GRID2: variants seen among roughly 807,000 people sequenced by gnomAD.
The protein encoded by GRID2 is glutamate receptor ionotropic, delta-2.
GRID2 carries 33 observed loss-of-function variants against 114.8 expected under a neutral mutation model. The observed-to-expected ratio is 0.29, with a 90% CI of 0.22 to 0.38. The LOEUF (loss-of-function observed/expected upper bound fraction) is 0.38, where lower values mean the gene tolerates loss of function less well. Among genes scored for constraint, GRID2 ranks in the 10% least tolerant of loss-of-function variants. GRID2 has a pLI of 1.00. For missense variants in GRID2, 1,184 were observed against 1,257.7 expected, an observed-to-expected ratio of 0.94 and a Z score of 0.89; for synonymous variants, 505 against 449.9, an observed-to-expected ratio of 1.12 and a Z score of -1.55.
intron 8 of GRID2, among the ~76,000 whole-genome samples, chr4:93,284,418 A>G (rs1184836492): frequency 6.6e-6 from 1 of 151,968 alleles, no homozygotes; most frequent in Non-Finnish European, 1.5e-5. Context: ...TAGGCTTAAT[A>G]CCTCGGTGAT....
chr4:92,959,629 G>GATAA (rs1752655077), intron 2 of GRID2, among the ~76,000 whole-genome samples: 1 of 152,004 alleles, frequency 6.6e-6, no homozygotes, highest in Non-Finnish European at 1.5e-5. Context: ...TTATAGACTG[G>GATAA]ATAAATAAAA....
At chr4:92,469,708 A>G (rs1000704668) in intron 1 of GRID2, among the ~76,000 whole-genome samples, 2 of 152,170 alleles carry the variant, frequency 1.3e-5, no homozygotes, top group East Asian at 3.9e-4. Context: ...AAATGAAACA[A>G]ACAAAAAAGC....
intron 14 of GRID2, among the ~76,000 whole-genome samples, chr4:93,677,152 A>C (rs1195714481): frequency 1.3e-5 from 2 of 152,170 alleles, no homozygotes; most frequent in Non-Finnish European, 2.9e-5. Context: ...GGAGGGTCCT[A>C]TGCCCACGGA....
chr4:93,424,570 A>G (rs1166109395), intron 10 of GRID2, among the ~76,000 whole-genome samples: 4 of 151,942 alleles, frequency 2.6e-5, no homozygotes, highest in Non-Finnish European at 5.9e-5. Flanking sequence ...GATTCTTTAT[A>G]TGTAGTATAT....
At chr4:93,574,734 C>A (rs1366800143) in intron 13 of GRID2, among the ~76,000 whole-genome samples, 1 of 152,122 alleles carries the variant, frequency 6.6e-6, no homozygotes, top group Non-Finnish European at 1.5e-5. Context: ...GGGACACAGC[C>A]AAACCATATC....
At chr4:93,057,162 C>G (rs200706960) in intron 2 of GRID2, among the ~76,000 whole-genome samples, 145 of 147,914 alleles carry the variant, frequency 9.8e-4, no homozygotes, top group African/African-American at 3.2e-3. Context: ...GTATGTGTGT[C>G]TGTGTGTGTG....
At chr4:93,511,754 A>G (rs1578159544) in intron 12 of GRID2, among the ~76,000 whole-genome samples, 1 of 150,762 alleles carries the variant, frequency 6.6e-6, no homozygotes, top group South Asian at 2.1e-4. Context: ...TCTCTGGAGT[A>G]CTCTAGATTT....
At chr4:93,261,148 CAT>C (rs900160216) in intron 8 of GRID2, among the ~76,000 whole-genome samples, 6 of 151,494 alleles carry the variant, frequency 4.0e-5, no homozygotes, top group Non-Finnish European at 7.4e-5. Context: ...ACTTTTGACA[CAT>C]GTTAAAAAAA....
intron 2 of GRID2, among the ~76,000 whole-genome samples, chr4:93,054,329 G>T (rs1727016422): frequency 7.5e-6 from 1 of 133,256 alleles, no homozygotes; most frequent in Non-Finnish European, 1.7e-5. Flanking sequence ...AGAACTTTTG[G>T]TAGTATTTTT....
At chr4:92,376,521 T>G (rs1435198911) in intron 1 of GRID2, among the ~76,000 whole-genome samples, 1 of 152,036 alleles carries the variant, frequency 6.6e-6, no homozygotes, top group Non-Finnish European at 1.5e-5. Flanking sequence ...GATCTACCAT[T>G]CTGGGGTCTG....
chr4:93,497,057 T>A (rs918406752), intron 12 of GRID2, among the ~76,000 whole-genome samples: 1 of 151,816 alleles, frequency 6.6e-6, no homozygotes, highest in Non-Finnish European at 1.5e-5. Flanking sequence ...TATCATTTTT[T>A]TTTTTTTAGC....
intron 2 of GRID2, among the ~76,000 whole-genome samples, chr4:92,705,920 G>A (rs527982646): frequency 3.3e-5 from 5 of 152,220 alleles, no homozygotes; most frequent in South Asian, 4.1e-4. Context: ...TAGTTGTTCA[G>A]GAAGTCTATC....
At chr4:93,280,346 C>A (rs544004198) in intron 8 of GRID2, among the ~76,000 whole-genome samples, 2 of 152,028 alleles carry the variant, frequency 1.3e-5, no homozygotes, top group Admixed American at 6.6e-5. Flanking sequence ...TATTATTGTA[C>A]AGGCATAAAC....
chr4:93,015,291 A>G (rs1332875650), intron 2 of GRID2, among the ~76,000 whole-genome samples: 2 of 152,116 alleles, frequency 1.3e-5, no homozygotes, highest in East Asian at 1.9e-4. Context: ...AATGAGAGAG[A>G]CAATCTTGAG....
At chr4:92,679,588 T>C (rs1044717625) in intron 2 of GRID2, among the ~76,000 whole-genome samples, 2 of 152,058 alleles carry the variant, frequency 1.3e-5, no homozygotes, top group Non-Finnish European at 2.9e-5. Context: ...AAAAAGCATA[T>C]TGTTAAGGAA....
intron 11 of GRID2, among the ~76,000 whole-genome samples, chr4:93,462,118 C>T (rs1414520833): frequency 6.6e-6 from 1 of 152,038 alleles, no homozygotes; most frequent in African/African-American, 2.4e-5. Context: ...TAAGCACCAA[C>T]AATGTGCCAG....
At chr4:92,460,032 C>CTA (rs373743453) in intron 1 of GRID2, among the ~76,000 whole-genome samples, 624 of 48,426 alleles carry the variant, frequency 0.013, 94 homozygotes, top group Middle Eastern at 0.049. Context: ...ATAAATCTCA[C>CTA]TATATATATA....
At chr4:93,447,646 T>G (rs768373654) in intron 10 of GRID2, among the ~76,000 whole-genome samples, 1 of 151,900 alleles carries the variant, frequency 6.6e-6, no homozygotes, top group Admixed American at 6.6e-5. Context: ...ATATGTCCAA[T>G]ATGACAAAAA....
chr4:92,486,204 A>G (rs1311378609), intron 1 of GRID2, among the ~76,000 whole-genome samples: 2 of 151,596 alleles, frequency 1.3e-5, no homozygotes, highest in Admixed American at 6.6e-5. Flanking sequence ...TAACCACTTA[A>G]AAACTAAAGA....
Sources: allele counts gnomAD v4.1 joint callset (sites outside exome capture counted in the v4.1 genomes callset), GRCh38; gene constraint gnomAD v4.1.1; transcripts MANE v1.5; gene names NCBI Gene and HGNC (gene_info 2026-07-23, HGNC 2026-07-21).